The following NR3C2 variants were observed in gnomAD, a reference collection of about 807,000 sequenced individuals.
NR3C2 encodes the protein nuclear receptor subfamily 3 group C member 2, also known as mineralocorticoid receptor.
In NR3C2, 15 loss-of-function variants were observed where a neutral mutation model predicts 86.4. The observed-to-expected ratio is 0.17, with a 90% CI of 0.12 to 0.27. NR3C2 has a LOEUF of 0.27. Ranked by LOEUF, NR3C2 falls within the 10% of genes least tolerant of loss-of-function variation. The pLI, the probability that NR3C2 is intolerant of heterozygous loss-of-function variation, is 1.00. For synonymous variants in NR3C2, 458 were observed against 450.5 expected (o/e 1.02, Z -0.21); for missense variants, 960 against 1,195.6 (o/e 0.80, Z 2.91).
chr4:148,404,772 A>G (rs1378466202), intron 2 of NR3C2, among the ~76,000 whole-genome samples: 1 of 152,224 alleles, frequency 6.6e-6, no homozygotes, highest in Admixed American at 6.5e-5. Context: ...GGCAATGATG[A>G]AAATCTATGT....
intron 4 of NR3C2, among the ~76,000 whole-genome samples, chr4:148,163,558 A>G (rs1734754305): frequency 6.6e-6 from 1 of 152,094 alleles, no homozygotes. Context: ...CCAAACACCT[A>G]ACGTCCTCTG....
intron 7 of NR3C2, among the ~76,000 whole-genome samples, chr4:148,115,939 AGT>A (rs1254443323): frequency 1.3e-5 from 2 of 152,206 alleles, no homozygotes; most frequent in African/African-American, 4.8e-5. Flanking sequence ...CAAAAAGAAC[AGT>A]AATAACCAGG....
In NR3C2 at chr4:148,323,439, T is replaced by TA. The variant is rs1295708973; in HGVS notation, c.1758-63323dup. On this transcript the variant is annotated intron_variant, in intron 2 of 8. Transcript: ENST00000358102. ...GAGCTTCCTGGCTGCTTTGTTTACC[T>TA]AATCAAGCCTGTGCAATGGCGGGCG... is the stretch of plus-strand genomic sequence containing the variant. 1.2e-3 allele frequency among the ~76,000 whole-genome samples: 174 copies of TA among 143,890 alleles called. 5 individuals are homozygous for TA. The highest frequency in any genetic ancestry group is 4.4e-3 in the African/African-American group (162 of 36,684). The allele number at this position is 143,890 out of a possible 152,430, so 94.4% of individuals were successfully genotyped here.
intron 2 of NR3C2, among the ~76,000 whole-genome samples, chr4:148,416,000 A>G (rs1310471431): frequency 2.0e-5 from 3 of 152,198 alleles, no homozygotes; most frequent in Admixed American, 6.5e-5. Context: ...CACATACGTA[A>G]CTGAGCAGAC....
intron 2 of NR3C2, among the ~76,000 whole-genome samples, chr4:148,271,945 T>C (rs1250195728): frequency 1.3e-5 from 2 of 152,188 alleles, no homozygotes; most frequent in African/African-American, 4.8e-5. Flanking sequence ...AGAATAAGGA[T>C]AGTTACTTCC....
intron 2 of NR3C2, among the ~76,000 whole-genome samples, chr4:148,432,603 T>C (rs1749844718): frequency 6.6e-6 from 1 of 152,186 alleles, no homozygotes; most frequent in African/African-American, 2.4e-5. Flanking sequence ...TGAAGGATAC[T>C]ATTAAACCTA....
At chr4:148,209,261 A>G (rs1737164526) in intron 3 of NR3C2, among the ~76,000 whole-genome samples, 1 of 151,890 alleles carries the variant, frequency 6.6e-6, no homozygotes, top group Admixed American at 6.6e-5. Flanking sequence ...AAAAAAAAAA[A>G]GAAAAAGCCA....
intron 2 of NR3C2, among the ~76,000 whole-genome samples, chr4:148,304,328 C>CTTTTT (rs35633620): frequency 4.8e-5 from 4 of 83,856 alleles, no homozygotes; most frequent in Admixed American, 1.4e-4. Context: ...GTTGTTGTTG[C>CTTTTT]TTTTTTTTTT....
chr4:148,120,928 A>G (rs1732479792), intron 6 of NR3C2, among the ~76,000 whole-genome samples: 1 of 152,214 alleles, frequency 6.6e-6, no homozygotes, highest in African/African-American at 2.4e-5. Flanking sequence ...ACACAACCAA[A>G]CAATACCCTC....
chr4:148,197,047 T>C (rs2149804582), intron 3 of NR3C2, among the ~76,000 whole-genome samples: 1 of 152,308 alleles, frequency 6.6e-6, no homozygotes, highest in Non-Finnish European at 1.5e-5. Flanking sequence ...CATACTAGAA[T>C]TGATAAAGTG....
At chr4:148,171,597 G>A (rs1212558109) in intron 4 of NR3C2, among the ~76,000 whole-genome samples, 1 of 152,208 alleles carries the variant, frequency 6.6e-6, no homozygotes, top group Non-Finnish European at 1.5e-5. Flanking sequence ...TAGGGTTCGT[G>A]CTCCTATGAG....
intron 2 of NR3C2, among the ~76,000 whole-genome samples, chr4:148,318,912 T>G (rs1178317853): frequency 2.0e-5 from 3 of 150,950 alleles, no homozygotes; most frequent in African/African-American, 2.4e-5. Flanking sequence ...TGGCTTTTGT[T>G]GCCATTGCTT....
intron 6 of NR3C2, among the ~76,000 whole-genome samples, chr4:148,142,060 A>G (rs1445933578): frequency 6.6e-6 from 1 of 152,192 alleles, no homozygotes; most frequent in Non-Finnish European, 1.5e-5. Flanking sequence ...ATTAGGAGCA[A>G]GGGCACAGCA....
At chr4:148,126,839 C>T (rs529277082) in intron 6 of NR3C2, among the ~76,000 whole-genome samples, 48 of 152,224 alleles carry the variant, frequency 3.2e-4, no homozygotes, top group African/African-American at 1.1e-3. Context: ...CTCAAAATGC[C>T]CTGTGAGGAA....
chr4:148,333,500 G>A (rs535901313), intron 2 of NR3C2, among the ~76,000 whole-genome samples: 1 of 151,956 alleles, frequency 6.6e-6, no homozygotes, highest in South Asian at 2.1e-4. Flanking sequence ...TAAGATATAA[G>A]CACAGCTATC....
chr4:148,371,161 C>T (rs1480098362), intron 2 of NR3C2, among the ~76,000 whole-genome samples: 1 of 152,152 alleles, frequency 6.6e-6, no homozygotes. Flanking sequence ...TCCATCACCT[C>T]GAGCATTTAT....
chr4:148,425,450 T>A (rs1250762420), intron 2 of NR3C2, among the ~76,000 whole-genome samples: 1 of 152,146 alleles, frequency 6.6e-6, no homozygotes, highest in African/African-American at 2.4e-5. Context: ...AGGGTGACAT[T>A]TGAACTAATC....
intron 3 of NR3C2, among the ~76,000 whole-genome samples, chr4:148,198,468 A>T (rs993430565): frequency 8.5e-5 from 13 of 152,122 alleles, no homozygotes; most frequent in African/African-American, 3.1e-4. Flanking sequence ...AAGGGCAGGG[A>T]GGAGAAAGCA....
chr4:148,078,974 G>T lies in NR3C2; in HGVS notation c.*2370C>A, dbSNP rs1423564179. On this transcript the variant is annotated 3_prime_UTR_variant, in exon 9 of 9. Transcript: ENST00000358102. ...TAAGAGCAGACAGACAATTTGGACT[G>T]GGACAGGCATTCAACAGTGAATTTA... is the stretch of plus-strand genomic sequence containing the variant. The T allele has an allele frequency of 6.6e-6, 1 of 152,594 alleles. No homozygotes were observed. The highest frequency in any genetic ancestry group is 2.4e-5 in the African/African-American group (1 of 41,428). The allele number at this position is 152,594 out of a possible 1,614,324, so 9.5% of individuals were successfully genotyped here.
Sources: gnomAD v4.1 joint callset for allele counts (sites outside exome capture counted in the v4.1 genomes callset) on GRCh38, gnomAD v4.1.1 for gene constraint, MANE v1.5 for transcripts, NCBI Gene and HGNC (gene_info 2026-07-23, HGNC 2026-07-21) for gene names.